CTTNBP2: variants seen among roughly 807,000 people sequenced by gnomAD.
CTTNBP2 encodes cortactin-binding protein 2.
In CTTNBP2, 108 loss-of-function variants were observed where a neutral mutation model predicts 156.9. That is an observed-to-expected ratio of 0.69 (90% confidence interval 0.59 to 0.81). The LOEUF is 0.81. CTTNBP2 is among the 30% of genes least tolerant of loss of function. The pLI is 0.00. For missense variants in CTTNBP2, 1,924 were observed against 2,035.4 expected, an observed-to-expected ratio of 0.95 and a Z score of 1.05; for synonymous variants, 767 against 751.8, an observed-to-expected ratio of 1.02 and a Z score of -0.33.
intron 8 of CTTNBP2, among the ~76,000 whole-genome samples, chr7:117,776,016 A>G (rs35826403): frequency 0.019 from 2,822 of 152,326 alleles, 87 homozygotes; most frequent in African/African-American, 0.063. Flanking sequence ...TAAGATCACG[A>G]TAACAGGAAG....
At chr7:117,840,728 C>G (rs1405062820) in intron 2 of CTTNBP2, among the ~76,000 whole-genome samples, 1 of 152,182 alleles carries the variant, frequency 6.6e-6, no homozygotes, top group African/African-American at 2.4e-5. Context: ...TCCAGTATCA[C>G]TGGGAAAAGC....
chr7:117,845,986 G>T (rs959217253), intron 2 of CTTNBP2, among the ~76,000 whole-genome samples: 4 of 152,104 alleles, frequency 2.6e-5, no homozygotes, highest in Admixed American at 2.6e-4. Flanking sequence ...GAGTAGGTGG[G>T]ACTACAGGCG....
Position 117,791,866 on chromosome 7 carries a change from G to C in CTTNBP2, c.1330C>G (p.Arg444Gly). Residue 444 changes from arginine (R) to glycine (G), a missense_variant, in exon 4 of 23, where the codon CGA becomes GGA. Arg to Gly is a moderately radical substitution (Grantham distance 125). Transcript: ENST00000160373. ...NTSLHPGLNP[R>G]IQAARFRFQG... ...AATCTAAATCTAGCTGCTTGGATTC[G>C]TGGGTTTAGACCTGGATGCAAAGAG... The C allele has an allele frequency of 6.2e-7, 1 of 1,614,120 alleles. No homozygotes were observed. Among genetic ancestry groups the C allele is most frequent in the Non-Finnish European group, 8.5e-7 (1 of 1,180,018 alleles).
At chr7:117,801,178 A>G (rs35714028) in intron 3 of CTTNBP2, among the ~76,000 whole-genome samples, 3,568 of 152,304 alleles carry the variant, frequency 0.023, 63 homozygotes, top group African/African-American at 0.035. Context: ...AATGGGGTTG[A>G]AAAATCATCA....
intron 1 of CTTNBP2, among the ~76,000 whole-genome samples, chr7:117,868,892 A>G (rs1296739769): frequency 6.6e-6 from 1 of 152,230 alleles, no homozygotes. Context: ...ATTGCAGACT[A>G]TTCTAAAGCC....
At chr7:117,717,540 T>C (rs1794488652) in intron 22 of CTTNBP2, among the ~76,000 whole-genome samples, 1 of 152,172 alleles carries the variant, frequency 6.6e-6, no homozygotes, top group Admixed American at 6.5e-5. Context: ...GATGAAATCT[T>C]GCACCATCCT....
intron 21 of CTTNBP2, 143 bp from the exon 22 acceptor site, chr7:117,718,262 A>C (rs1243349909): frequency 4.3e-6 from 2 of 460,222 alleles, no homozygotes; most frequent in Non-Finnish European, 7.7e-6. Context: ...TGTTCACATG[A>C]AAGAAAGACT....
At chr7:117,755,454 T>C in intron 12 of CTTNBP2, 1 of 397,134 alleles carries the variant, frequency 2.5e-6, no homozygotes, top group Non-Finnish European at 5.1e-6. Flanking sequence ...TAATGTTTTA[T>C]ACCAGTAGTA....
chr7:117,760,779 T>A, intron 9 of CTTNBP2, 69 bp from the exon 10 acceptor site: 1 of 1,039,374 alleles, frequency 9.6e-7, no homozygotes. Context: ...AACTATTACA[T>A]AAAATAAGCA....
rs552248075 is a variant in CTTNBP2, at chr7:117,764,855, G to A, written c.2896+2204C>T. Among the ~76,000 whole-genome samples, 48 of 152,278 alleles carry A rather than the reference G, an allele frequency of 3.2e-4. 2 individuals are homozygous for A. Among genetic ancestry groups the A allele is most frequent in the African/African-American group, 7.2e-4 (30 of 41,562 alleles). On this transcript the variant is annotated intron_variant, in intron 9 of 22. Coordinates refer to ENST00000160373, the MANE Select transcript of CTTNBP2 (RefSeq NM_033427.3). ...AGTACTTCTAGCTATGTGCTTAGGC[G>A]AGGAGTAGTTTGTTGAATAAATGAA...
intron 2 of CTTNBP2, among the ~76,000 whole-genome samples, chr7:117,817,212 T>C (rs367912970): frequency 1.3e-5 from 2 of 150,596 alleles, no homozygotes; most frequent in African/African-American, 4.9e-5. Flanking sequence ...TGGGTGCCTG[T>C]AGTCCCAGCT....
intron 1 of CTTNBP2, among the ~76,000 whole-genome samples, chr7:117,866,601 G>C (rs1174817440): frequency 6.6e-6 from 1 of 152,156 alleles, no homozygotes; most frequent in Non-Finnish European, 1.5e-5. Flanking sequence ...TGAGCAATGT[G>C]GCTAGGGAAG....
chr7:117,841,146 T>C (rs1802249680), intron 2 of CTTNBP2, among the ~76,000 whole-genome samples: 1 of 152,216 alleles, frequency 6.6e-6, no homozygotes, highest in Non-Finnish European at 1.5e-5. Flanking sequence ...AATAGCATTG[T>C]TTTGTAGTTC....
chr7:117,818,415 C>T (rs532260893), intron 2 of CTTNBP2, among the ~76,000 whole-genome samples: 3 of 152,220 alleles, frequency 2.0e-5, no homozygotes, highest in Admixed American at 6.5e-5. Context: ...AAAGCCACAG[C>T]GGATGGCAAA....
At chr7:117,837,809 AT>A (rs1802043864) in intron 2 of CTTNBP2, among the ~76,000 whole-genome samples, 1 of 152,122 alleles carries the variant, frequency 6.6e-6, no homozygotes, top group East Asian at 1.9e-4. Flanking sequence ...AGAACTTTGA[AT>A]TTCAGATTAG....
chr7:117,745,129 G>A (rs1191354312), intron 14 of CTTNBP2, among the ~76,000 whole-genome samples: 1 of 152,076 alleles, frequency 6.6e-6, no homozygotes, highest in African/African-American at 2.4e-5. Flanking sequence ...GATGAAACGT[G>A]GGGTATTAGA....
In CTTNBP2 at chr7:117,861,289, T is replaced by G; in HGVS notation, c.109A>C (p.Ser37Arg). Residue 37 changes from serine (S) to arginine (R), a missense_variant, in exon 2 of 23, where the codon AGT becomes CGT. Ser to Arg is a moderately radical substitution (Grantham distance 110). Transcript: ENST00000160373. ...AKKEFDVDTL[S>R]KSELRMLLSV... ...AGGAGCATCCGCAGCTCGGATTTAC[T>G]GAGAGTATCCACATCAAACTCTTTT... The G allele has an allele frequency of 1.2e-6, 2 of 1,613,404 alleles. No individual in the cohort carries two copies. Among genetic ancestry groups the G allele is most frequent in the Non-Finnish European group, 1.7e-6 (2 of 1,179,696 alleles).
chr7:117,757,082 A>C (rs1273221622), intron 11 of CTTNBP2, among the ~76,000 whole-genome samples: 1 of 152,112 alleles, frequency 6.6e-6, no homozygotes, highest in African/African-American at 2.4e-5. Flanking sequence ...CCTCCCCCCA[A>C]GTTCTGCCAT....
At chr7:117,850,002 C>T (rs1802835260) in intron 2 of CTTNBP2, among the ~76,000 whole-genome samples, 2 of 152,314 alleles carry the variant, frequency 1.3e-5, no homozygotes, top group African/African-American at 4.8e-5. Flanking sequence ...TACCTACTTC[C>T]AGGGATACTC....
Sources: gnomAD v4.1 joint callset for allele counts (sites outside exome capture counted in the v4.1 genomes callset) on GRCh38, gnomAD v4.1.1 for gene constraint, MANE v1.5 for transcripts, NCBI Gene and HGNC (gene_info 2026-07-23, HGNC 2026-07-21) for gene names.